CADPS2: variants seen among roughly 807,000 people sequenced by gnomAD.
The protein encoded by CADPS2 is calcium-dependent secretion activator 2.
A neutral mutation model predicts 172.5 loss-of-function variants in CADPS2; 93 were observed. That is an observed-to-expected ratio of 0.54 (90% CI 0.46 to 0.64). The LOEUF (loss-of-function observed/expected upper bound fraction) is 0.64. CADPS2 is among the 30% of genes least tolerant of loss of function. The probability of loss-of-function intolerance (pLI) is 0.00; values close to 1 mark genes in which losing one functional copy is unlikely to be tolerated. For missense variants in CADPS2, 1,420 were observed against 1,565.9 expected, an observed-to-expected ratio of 0.91 and a Z score of 1.57; for synonymous variants, 546 against 555.2, an observed-to-expected ratio of 0.98 and a Z score of 0.23.
chr7:122,726,233 T>C (rs2091070939), intron 2 of CADPS2, among the ~76,000 whole-genome samples: 1 of 152,086 alleles, frequency 6.6e-6, no homozygotes. Flanking sequence ...ATGTTTTATG[T>C]TGTGTCAAAT....
chr7:122,379,887 A>G (rs528200062), intron 24 of CADPS2, among the ~76,000 whole-genome samples: 1 of 152,306 alleles, frequency 6.6e-6, no homozygotes, highest in Non-Finnish European at 1.5e-5. Flanking sequence ...CTAGAAATAA[A>G]ATGAGCTCCC....
At chr7:122,618,955 C>T (rs1290327153) in intron 5 of CADPS2, among the ~76,000 whole-genome samples, 2 of 152,258 alleles carry the variant, frequency 1.3e-5, no homozygotes, top group Non-Finnish European at 2.9e-5. Context: ...CTTAGATAGA[C>T]ATAGCAACAG....
At chr7:122,639,509 C>G (rs892612752) in intron 3 of CADPS2, among the ~76,000 whole-genome samples, 1 of 152,148 alleles carries the variant, frequency 6.6e-6, no homozygotes, top group African/African-American at 2.4e-5. Context: ...CACATTTCCT[C>G]AGTTTTATGT....
intron 1 of CADPS2, among the ~76,000 whole-genome samples, chr7:122,878,804 T>G (rs1004248663): frequency 1.3e-5 from 2 of 152,180 alleles, no homozygotes; most frequent in Non-Finnish European, 2.9e-5. Flanking sequence ...ATTATTTGCT[T>G]GTTTTATTTT....
chr7:122,451,132 G>A (rs188858253), intron 15 of CADPS2, among the ~76,000 whole-genome samples: 1 of 152,228 alleles, frequency 6.6e-6, no homozygotes, highest in Non-Finnish European at 1.5e-5. Context: ...CAAAAGGCAA[G>A]TAAGAGGTGC....
intron 15 of CADPS2, among the ~76,000 whole-genome samples, chr7:122,442,139 C>A (rs2151965973): frequency 6.6e-6 from 1 of 152,260 alleles, no homozygotes; most frequent in East Asian, 1.9e-4. Flanking sequence ...TCTACATATT[C>A]CTACTGCACA....
At chr7:122,802,655 C>A (rs1048894132) in intron 1 of CADPS2, among the ~76,000 whole-genome samples, 1 of 152,248 alleles carries the variant, frequency 6.6e-6, no homozygotes, top group Non-Finnish European at 1.5e-5. Context: ...GAAATCATGT[C>A]TCTCTTGTCA....
chr7:122,579,450 AATAT>A (rs3034498), intron 7 of CADPS2, among the ~76,000 whole-genome samples: 15,806 of 128,506 alleles, frequency 0.12, 1,416 homozygotes, highest in African/African-American at 0.25. Flanking sequence ...AATTGCATCG[AATAT>A]ATATATATAT....
chr7:122,515,218 T>G (rs1054402498), intron 8 of CADPS2, among the ~76,000 whole-genome samples: 4 of 152,156 alleles, frequency 2.6e-5, no homozygotes, highest in Non-Finnish European at 5.9e-5. Context: ...TATCTGTGCT[T>G]GTGGATGGAA....
chr7:122,885,445 C>A (rs1824073783), intron 1 of CADPS2, among the ~76,000 whole-genome samples: 1 of 151,704 alleles, frequency 6.6e-6, no homozygotes, highest in Admixed American at 6.6e-5. Flanking sequence ...GATTTGATGT[C>A]CTGGTTGTAT....
At chr7:122,801,064 T>A (rs1563051566) in intron 1 of CADPS2, among the ~76,000 whole-genome samples, 1 of 150,240 alleles carries the variant, frequency 6.7e-6, no homozygotes, top group African/African-American at 2.5e-5. Flanking sequence ...CTATTTGGGC[T>A]AAAGAGAAAA....
intron 9 of CADPS2, among the ~76,000 whole-genome samples, chr7:122,505,924 C>T (rs2059577075): frequency 6.6e-6 from 1 of 152,192 alleles, no homozygotes; most frequent in Non-Finnish European, 1.5e-5. Flanking sequence ...AACAAACCCA[C>T]AGGGTAAATT....
At chr7:122,695,971 G>C (rs1458546080) in intron 2 of CADPS2, among the ~76,000 whole-genome samples, 3 of 152,184 alleles carry the variant, frequency 2.0e-5, no homozygotes, top group African/African-American at 7.2e-5. Flanking sequence ...CCACACAAGA[G>C]TACACAGAGC....
intron 1 of CADPS2, among the ~76,000 whole-genome samples, chr7:122,771,509 T>C (rs1589108339): frequency 6.6e-6 from 1 of 152,192 alleles, no homozygotes; most frequent in East Asian, 1.9e-4. Flanking sequence ...GAATAAGGCA[T>C]ATGATTTTTC....
chr7:122,722,917 C>T (rs2090621921), intron 2 of CADPS2, among the ~76,000 whole-genome samples: 1 of 151,906 alleles, frequency 6.6e-6, no homozygotes, highest in Non-Finnish European at 1.5e-5. Context: ...CTGACAAAAA[C>T]AAGCAATGGG....
chr7:122,370,087 T>C (rs1318579228), intron 25 of CADPS2, among the ~76,000 whole-genome samples: 1 of 152,202 alleles, frequency 6.6e-6, no homozygotes, highest in Non-Finnish European at 1.5e-5. Context: ...TCTCTTCTCC[T>C]GGTTAACTCT....
At chr7:122,403,205 C>T (rs2046180914) in intron 20 of CADPS2, among the ~76,000 whole-genome samples, 2 of 152,160 alleles carry the variant, frequency 1.3e-5, no homozygotes, top group South Asian at 4.1e-4. Flanking sequence ...ATCAGCTACT[C>T]AGTGGTATTG....
At chr7:122,498,102 C>T (rs893748450) in intron 9 of CADPS2, among the ~76,000 whole-genome samples, 7 of 152,096 alleles carry the variant, frequency 4.6e-5, no homozygotes, top group African/African-American at 1.7e-4. Flanking sequence ...CATTTGCCAC[C>T]AGGCCTGGCT....
chr7:122,612,374 C>T (rs1421099609), intron 6 of CADPS2, among the ~76,000 whole-genome samples: 6 of 151,456 alleles, frequency 4.0e-5, no homozygotes, highest in South Asian at 4.2e-4. Context: ...AATCTATATA[C>T]AAAAATAATT....
Sources: allele counts gnomAD v4.1 joint callset (sites outside exome capture counted in the v4.1 genomes callset), GRCh38; gene constraint gnomAD v4.1.1; transcripts MANE v1.5; gene names NCBI Gene and HGNC (gene_info 2026-07-23, HGNC 2026-07-21).